The following DLGAP2 variants were observed in gnomAD, a reference collection of about 807,000 sequenced individuals.
The protein encoded by DLGAP2 is DLG associated protein 2.
In DLGAP2, 26 loss-of-function variants were observed where a neutral mutation model predicts 100.3. That is an observed-to-expected ratio of 0.26 (90% CI 0.19 to 0.36). The LOEUF is 0.36. DLGAP2 is among the 10% of genes least tolerant of loss of function. DLGAP2 has a pLI of 1.00. For missense variants in DLGAP2, 1,858 were observed against 1,453.2 expected, an observed-to-expected ratio of 1.28 and a Z score of -4.53; for synonymous variants, 886 against 630.1, an observed-to-expected ratio of 1.41 and a Z score of -6.08.
chr8:1,698,841 C>G (rs1799487602), intron 14 of DLGAP2, among the ~76,000 whole-genome samples: 1 of 151,982 alleles, frequency 6.6e-6, no homozygotes, highest in Non-Finnish European at 1.5e-5. Context: ...GGGGACAGGT[C>G]CATGTAAGCC....
At chr8:900,392 C>A (rs1028334839) in intron 1 of DLGAP2, among the ~76,000 whole-genome samples, 3 of 150,812 alleles carry the variant, frequency 2.0e-5, no homozygotes, top group Non-Finnish European at 2.9e-5. Flanking sequence ...ATGGTGGGCG[C>A]CCTCCTCTTC....
intron 3 of DLGAP2, among the ~76,000 whole-genome samples, chr8:1,293,655 C>T (rs1436463224): frequency 6.6e-6 from 1 of 152,186 alleles, no homozygotes. Flanking sequence ...ATCATGCCTG[C>T]TGTCTCTAGA....
chr8:1,292,882 CA>C (rs1306376331), intron 3 of DLGAP2, among the ~76,000 whole-genome samples: 1 of 152,144 alleles, frequency 6.6e-6, no homozygotes. Flanking sequence ...CAACAGTGCC[CA>C]CCCCGTGCGT....
chr8:928,124 C>T (rs1459680745), intron 2 of DLGAP2, among the ~76,000 whole-genome samples: 2 of 152,170 alleles, frequency 1.3e-5, no homozygotes, highest in Non-Finnish European at 2.9e-5. Context: ...CAGCCTGAAG[C>T]CACCTCCTAG....
At chr8:1,359,420 A>T (rs1396424358) in intron 3 of DLGAP2, among the ~76,000 whole-genome samples, 1 of 152,228 alleles carries the variant, frequency 6.6e-6, no homozygotes, top group Non-Finnish European at 1.5e-5. Context: ...CTTTTTTAAA[A>T]CAGGAAGTAA....
At chr8:1,291,131 A>T (rs1800049169) in intron 3 of DLGAP2, among the ~76,000 whole-genome samples, 1 of 152,218 alleles carries the variant, frequency 6.6e-6, no homozygotes. Context: ...ATATCTAGGT[A>T]ACAGTCATCA....
At chr8:1,617,792 G>T (rs926029407) in intron 6 of DLGAP2, among the ~76,000 whole-genome samples, 2 of 152,194 alleles carry the variant, frequency 1.3e-5, no homozygotes, top group African/African-American at 4.8e-5. Context: ...ATGCATTACA[G>T]CCAATACGAG....
At chr8:809,072 A>G (rs559578535) in intron 1 of DLGAP2, among the ~76,000 whole-genome samples, 1 of 152,010 alleles carries the variant, frequency 6.6e-6, no homozygotes, top group Non-Finnish European at 1.5e-5. Context: ...ACGCCTGGCT[A>G]ATTTTTTTAT....
chr8:1,097,904 T>G (rs1804440145), intron 2 of DLGAP2, among the ~76,000 whole-genome samples: 1 of 152,154 alleles, frequency 6.6e-6, no homozygotes, highest in African/African-American at 2.4e-5. Flanking sequence ...CTCCCTGCGC[T>G]CAGGAGAGTC....
intron 3 of DLGAP2, among the ~76,000 whole-genome samples, chr8:1,327,138 A>G (rs565820832): frequency 3.3e-5 from 5 of 152,324 alleles, no homozygotes; most frequent in Admixed American, 1.3e-4. Flanking sequence ...TCCTCCTGAC[A>G]CTGAGCGAGA....
At chr8:1,143,577 C>T (rs561404137) in intron 2 of DLGAP2, among the ~76,000 whole-genome samples, 3 of 152,288 alleles carry the variant, frequency 2.0e-5, no homozygotes, top group East Asian at 3.9e-4. Flanking sequence ...GACTCAGCCC[C>T]GGGCTCTCCA....
chr8:1,548,159 G>A (rs1056664313), intron 4 of DLGAP2, among the ~76,000 whole-genome samples: 10 of 151,948 alleles, frequency 6.6e-5, no homozygotes, highest in East Asian at 3.9e-4. Context: ...CACACTTTGC[G>A]ATATAAAAAC....
intron 1 of DLGAP2, among the ~76,000 whole-genome samples, chr8:768,306 G>A (rs201746338): frequency 1.3e-5 from 2 of 151,834 alleles, no homozygotes; most frequent in East Asian, 3.9e-4. Flanking sequence ...TAGTGTTGTG[G>A]TTATTTACTA....
chr8:1,636,604 T>C lies in DLGAP2; in HGVS notation c.1810+3558T>C, dbSNP rs79808980. On this transcript the variant is annotated intron_variant, in intron 8 of 14. Coordinates refer to ENST00000637795, the MANE Select transcript of DLGAP2 (RefSeq NM_001346810.2). The stretch of plus-strand genomic sequence containing the variant: ...ACTATGTATTTGATTCTCCCATTTT[T>C]AGTCTTTTACAATAAAAGACAGTGT... Among the ~76,000 whole-genome samples the C allele has an allele frequency of 1.1e-3, 172 of 152,366 alleles. 2 individuals carry two copies. The East Asian group carries it at 0.03, about 27-fold the overall frequency.
At chr8:1,008,960 G>A (rs890153529) in intron 2 of DLGAP2, among the ~76,000 whole-genome samples, 2 of 152,222 alleles carry the variant, frequency 1.3e-5, no homozygotes, top group East Asian at 3.9e-4. Flanking sequence ...GAGGCTCCTG[G>A]GTATGCAGAA....
chr8:975,574 A>G (rs539131978), intron 2 of DLGAP2, among the ~76,000 whole-genome samples: 1 of 152,210 alleles, frequency 6.6e-6, no homozygotes. Flanking sequence ...TTATCCAGGT[A>G]TGCAAGGCTG....
intron 1 of DLGAP2, among the ~76,000 whole-genome samples, chr8:842,616 T>A (rs1797003275): frequency 1.2e-5 from 1 of 83,464 alleles, no homozygotes; most frequent in African/African-American, 3.7e-5. Flanking sequence ...CGTTTACGAA[T>A]TATAGCTTCT....
intron 3 of DLGAP2, among the ~76,000 whole-genome samples, chr8:1,429,195 T>TA (rs994262162): frequency 3.9e-4 from 59 of 152,278 alleles, no homozygotes; most frequent in African/African-American, 1.3e-3. Context: ...AGTCTCTACT[T>TA]AGAGGTCAGT....
intron 1 of DLGAP2, among the ~76,000 whole-genome samples, chr8:814,776 C>G (rs1377414327): frequency 7.1e-6 from 1 of 141,332 alleles, no homozygotes; most frequent in East Asian, 2.2e-4. Context: ...TGGTGTGAAC[C>G]TAGGAGGTGG....
Sources: gnomAD v4.1 joint callset for allele counts (sites outside exome capture counted in the v4.1 genomes callset) on GRCh38, gnomAD v4.1.1 for gene constraint, MANE v1.5 for transcripts, NCBI Gene and HGNC (gene_info 2026-07-23, HGNC 2026-07-21) for gene names.